SLC16A10: variants seen among roughly 807,000 people sequenced by gnomAD.
The protein encoded by SLC16A10 is monocarboxylate transporter 10.
SLC16A10 carries 27 observed loss-of-function variants against 40.0 expected under a neutral mutation model. The ratio of observed to expected loss-of-function variants is 0.67; its 90% CI spans 0.50 to 0.93. The LOEUF (loss-of-function observed/expected upper bound fraction) is 0.93, where lower values mean the gene tolerates loss of function less well. Ranked by LOEUF, SLC16A10 falls within the 40% of genes least tolerant of loss-of-function variation. The pLI is 0.00. For missense variants in SLC16A10, 529 were observed against 658.2 expected, an observed-to-expected ratio of 0.80 and a Z score of 2.15; for synonymous variants, 213 against 249.8, an observed-to-expected ratio of 0.85 and a Z score of 1.39.
In SLC16A10 at chr6:111,228,678, G is replaced by A. The variant is rs1187011942; in HGVS notation, c.*6443G>A. Reference sequence around the variant, plus strand: ...CTGTGATCTTCCCTAATGAGTCAAAGTATCTTTCATAATTCAGTCTATATT... The same window carrying A: ...CTGTGATCTTCCCTAATGAGTCAAAATATCTTTCATAATTCAGTCTATATT... On this transcript the variant is annotated 3_prime_UTR_variant, in exon 6 of 6. Coordinates refer to ENST00000368851, the MANE Select transcript of SLC16A10 (RefSeq NM_018593.5). 6.6e-6 allele frequency: 1 copy of A among 152,102 alleles called. No homozygotes were observed. The highest frequency in any genetic ancestry group is 1.5e-5 in the Non-Finnish European group (1 of 68,020). The allele number at this position is 152,102 out of a possible 1,614,324, so 9.4% of individuals were successfully genotyped here.
chr6:111,167,433 A>T (rs1426978529), intron 1 of SLC16A10, among the ~76,000 whole-genome samples: 1 of 152,086 alleles, frequency 6.6e-6, no homozygotes, highest in African/African-American at 2.4e-5. Flanking sequence ...CCAAGTGGGT[A>T]TGCTTTCAAC....
At chr6:111,210,748 G>A (rs2114587257) in intron 4 of SLC16A10, among the ~76,000 whole-genome samples, 1 of 152,228 alleles carries the variant, frequency 6.6e-6, no homozygotes, top group East Asian at 1.9e-4. Context: ...TAAGAGTAGT[G>A]GATTTTGGCC....
chr6:111,204,020 T>C (rs938601243), intron 3 of SLC16A10, among the ~76,000 whole-genome samples: 11 of 152,126 alleles, frequency 7.2e-5, no homozygotes, highest in African/African-American at 2.7e-4. Context: ...TTTTGTTTGT[T>C]GGAGACAGGT....
At chr6:111,217,395 G>A (rs1421298267) in intron 4 of SLC16A10, among the ~76,000 whole-genome samples, 2 of 152,166 alleles carry the variant, frequency 1.3e-5, no homozygotes, top group East Asian at 3.9e-4. Flanking sequence ...AAAACTTGAT[G>A]CTTTTAAAAA....
intron 1 of SLC16A10, among the ~76,000 whole-genome samples, chr6:111,122,920 G>C (rs1283116415): frequency 6.6e-6 from 1 of 152,034 alleles, no homozygotes; most frequent in Non-Finnish European, 1.5e-5. Flanking sequence ...AATCACTGTT[G>C]GTATTTTATT....
intron 1 of SLC16A10, among the ~76,000 whole-genome samples, chr6:111,138,738 A>T (rs9387000): frequency 1.3e-5 from 2 of 151,852 alleles, no homozygotes; most frequent in East Asian, 1.9e-4. Context: ...CTCCTGCCTC[A>T]GCCTTCCAAG....
In SLC16A10 at chr6:111,224,550, G is replaced by T. The variant is rs2114599460; in HGVS notation, c.*2315G>T. The T allele has an allele frequency of 6.6e-6, 1 of 152,220 alleles. No individual in the cohort carries two copies. Among genetic ancestry groups the T allele is most frequent in the African/African-American group, 2.4e-5 (1 of 41,548 alleles). 9.4% of individuals were successfully genotyped at this position (152,220 alleles called of 1,614,324 possible). On this transcript the variant is annotated 3_prime_UTR_variant, in exon 6 of 6. Coordinates refer to ENST00000368851, the MANE Select transcript of SLC16A10 (RefSeq NM_018593.5). Reference sequence around the variant, plus strand: ...TATGTAGTTTTCAGTTTAATGGAATGAATCAAACTGGATCTATAACACTGA... The same window carrying T: ...TATGTAGTTTTCAGTTTAATGGAATTAATCAAACTGGATCTATAACACTGA...
intron 1 of SLC16A10, among the ~76,000 whole-genome samples, chr6:111,101,567 A>G (rs1164363140): frequency 1.3e-5 from 2 of 152,196 alleles, no homozygotes; most frequent in Non-Finnish European, 2.9e-5. Flanking sequence ...TTAAATGTTG[A>G]TATTCTCTTA....
chr6:111,175,220 A>C (rs1772657506), intron 2 of SLC16A10, among the ~76,000 whole-genome samples: 1 of 152,168 alleles, frequency 6.6e-6, no homozygotes. Flanking sequence ...CGACAGCCTT[A>C]CTCATTTACA....
intron 1 of SLC16A10, among the ~76,000 whole-genome samples, chr6:111,120,129 A>G (rs1240579204): frequency 6.6e-6 from 1 of 152,232 alleles, no homozygotes; most frequent in African/African-American, 2.4e-5. Flanking sequence ...GCAGAACCAC[A>G]CTGACACTCA....
intron 1 of SLC16A10, among the ~76,000 whole-genome samples, chr6:111,092,449 T>C (rs1770996676): frequency 6.7e-6 from 1 of 150,286 alleles, no homozygotes; most frequent in African/African-American, 2.5e-5. Flanking sequence ...TCCGAGTAGC[T>C]GGACTACCTG....
At chr6:111,158,794 A>G (rs1436658042) in intron 1 of SLC16A10, among the ~76,000 whole-genome samples, 1 of 152,134 alleles carries the variant, frequency 6.6e-6, no homozygotes, top group Non-Finnish European at 1.5e-5. Context: ...CTCAGTTTTG[A>G]AAAGATGTAG....
chr6:111,142,480 G>A (rs1646103617), intron 1 of SLC16A10, among the ~76,000 whole-genome samples: 2 of 152,210 alleles, frequency 1.3e-5, no homozygotes, highest in South Asian at 4.1e-4. Flanking sequence ...AGACACATCT[G>A]ATAAATGATT....
At chr6:111,122,278 T>C (rs1583314379) in intron 1 of SLC16A10, among the ~76,000 whole-genome samples, 1 of 152,224 alleles carries the variant, frequency 6.6e-6, no homozygotes, top group Non-Finnish European at 1.5e-5. Flanking sequence ...GGCTTTAGTC[T>C]AGTCCACTTC....
intron 1 of SLC16A10, among the ~76,000 whole-genome samples, chr6:111,151,168 A>G (rs1373278585): frequency 1.3e-5 from 2 of 152,232 alleles, no homozygotes; most frequent in African/African-American, 4.8e-5. Context: ...CTTTTGAAAG[A>G]GAATTTAATG....
rs961691211 is a variant in SLC16A10, at chr6:111,124,601, C to T, written c.343+36506C>T. On this transcript the variant is annotated intron_variant, in intron 1 of 5. Coordinates refer to ENST00000368851, the MANE Select transcript of SLC16A10 (RefSeq NM_018593.5). ...TAGTCTCCAACTCCTGGGCTCGGGCCATCTGCCCGCCTTGGCCTTCCAAAG... is the reference window on the plus strand; with the variant it reads ...TAGTCTCCAACTCCTGGGCTCGGGCTATCTGCCCGCCTTGGCCTTCCAAAG... Among the ~76,000 whole-genome samples the T allele has an allele frequency of 5.9e-5, 9 of 152,264 alleles. No homozygotes were observed. In the East Asian group the frequency reaches 1.2e-3, roughly 20 times the overall value.
intron 1 of SLC16A10, among the ~76,000 whole-genome samples, chr6:111,116,962 T>C (rs1771497601): frequency 6.6e-6 from 1 of 152,196 alleles, no homozygotes; most frequent in Non-Finnish European, 1.5e-5. Context: ...GCTTTAGCAG[T>C]ACATGTATTG....
chr6:111,201,728 C>A (rs1284435758), intron 3 of SLC16A10, among the ~76,000 whole-genome samples: 3 of 152,178 alleles, frequency 2.0e-5, no homozygotes, highest in Non-Finnish European at 4.4e-5. Context: ...AATTATTGGA[C>A]CTTTTTGATT....
chr6:111,163,266 C>A (rs1281371230), intron 1 of SLC16A10, among the ~76,000 whole-genome samples: 2 of 148,932 alleles, frequency 1.3e-5, no homozygotes, highest in East Asian at 4.0e-4. Context: ...CATTCTCCTG[C>A]CTCAGCCTCC....
Sources: gnomAD v4.1 joint callset for allele counts (sites outside exome capture counted in the v4.1 genomes callset) on GRCh38, gnomAD v4.1.1 for gene constraint, MANE v1.5 for transcripts, NCBI Gene and HGNC (gene_info 2026-07-23, HGNC 2026-07-21) for gene names.